The following UGT1A9 variants were observed in gnomAD, a reference collection of about 807,000 sequenced individuals.
UGT1A9 encodes UDP-glucuronosyltransferase 1A9.
In UGT1A9, 35 loss-of-function variants were observed where a neutral mutation model predicts 45.0. The ratio of observed to expected loss-of-function variants is 0.78; its 90% CI spans 0.59 to 1.03. The LOEUF is 1.03. Among genes scored for constraint, UGT1A9 ranks in the 50% least tolerant of loss-of-function variants. The pLI, the probability that UGT1A9 is intolerant of heterozygous loss-of-function variation, is 0.00. For missense variants in UGT1A9, 687 were observed against 666.6 expected, an observed-to-expected ratio of 1.03 and a Z score of -0.34; for synonymous variants, 278 against 250.6, an observed-to-expected ratio of 1.11 and a Z score of -1.03.
chr2:233,720,049 G>A (rs1278605052), intron 1 of UGT1A9, among the ~76,000 whole-genome samples: 10 of 152,182 alleles, frequency 6.6e-5, no homozygotes, highest in East Asian at 5.8e-4. Context: ...TCAGCTGAAC[G>A]GTGATGCAAC....
intron 1 of UGT1A9, among the ~76,000 whole-genome samples, chr2:233,757,752 A>G (rs979747575): frequency 2.0e-5 from 3 of 151,642 alleles, no homozygotes; most frequent in African/African-American, 7.3e-5. Flanking sequence ...GGACATGTTT[A>G]TGTTGCTCCT....
intron 1 of UGT1A9, chr2:233,722,120 C>G (rs2076991666): frequency 5.4e-6 from 1 of 185,150 alleles, no homozygotes; most frequent in South Asian, 1.2e-4. Context: ...CTATCATCAT[C>G]ATTAGTAGAG....
chr2:233,734,900 C>G (rs1027588472), intron 1 of UGT1A9, among the ~76,000 whole-genome samples: 1 of 152,158 alleles, frequency 6.6e-6, no homozygotes, highest in Non-Finnish European at 1.5e-5. Flanking sequence ...GATTTCTATT[C>G]TTTTACATTT....
At chr2:233,703,807 CTCTG>C (rs34781889) in intron 1 of UGT1A9, among the ~76,000 whole-genome samples, 44,412 of 151,762 alleles carry the variant, frequency 0.29, 6,672 homozygotes, top group South Asian at 0.36. Flanking sequence ...GTCTGATAAT[CTCTG>C]TCTTTTAATT....
intron 1 of UGT1A9, among the ~76,000 whole-genome samples, chr2:233,721,233 T>C (rs911538270): frequency 5.3e-5 from 8 of 152,262 alleles, no homozygotes; most frequent in African/African-American, 1.9e-4. Context: ...ATGTAGTTAC[T>C]GAATTGTAAA....
intron 1 of UGT1A9, chr2:233,748,161 A>G: frequency 1.3e-6 from 2 of 1,596,158 alleles, no homozygotes; most frequent in South Asian, 2.3e-5. Context: ...TTGCTTCCAT[A>G]TCTACTTATC....
At chr2:233,766,476 A>G (rs893882112) in intron 1 of UGT1A9, among the ~76,000 whole-genome samples, 2 of 152,172 alleles carry the variant, frequency 1.3e-5, no homozygotes, top group African/African-American at 2.4e-5. Flanking sequence ...TTATAGGCAC[A>G]TGATGGGGGC....
chr2:233,710,208 A>C (rs2076119375), intron 1 of UGT1A9, among the ~76,000 whole-genome samples: 1 of 152,230 alleles, frequency 6.6e-6, no homozygotes, highest in South Asian at 2.1e-4. Context: ...GTTGTTGGCT[A>C]TTATGAATAA....
At position 233,772,691 on chromosome 2, in the gene UGT1A9, T is replaced by G. The variant is rs1314986383; in HGVS notation, c.*132T>G. ...TTGCATAAATTAATCAGCCCCAGAG[T>G]GCTTTAAAAAATTCTCTTAAATAAA... On this transcript the variant is annotated 3_prime_UTR_variant, in exon 5 of 5. Transcript: ENST00000354728. 1 of 1,488,486 alleles carries G rather than the reference T, an allele frequency of 6.7e-7. No individual in the cohort carries two copies. Among genetic ancestry groups the G allele is most frequent in the African/African-American group, 1.4e-5 (1 of 70,486 alleles). The allele number at this position is 1,488,486 out of a possible 1,614,324, so 92.2% of individuals were successfully genotyped here. A position where few individuals can be genotyped will look rare whatever the true frequency, so the allele number is the denominator to read the frequency against.
intron 1 of UGT1A9, among the ~76,000 whole-genome samples, chr2:233,737,292 G>T (rs573133918): frequency 6.6e-6 from 1 of 152,194 alleles, no homozygotes; most frequent in Non-Finnish European, 1.5e-5. Flanking sequence ...CCAGGCTGCC[G>T]CCTCACAGTT....
chr2:233,741,869 C>T (rs992161093), intron 1 of UGT1A9: 4 of 151,862 alleles, frequency 2.6e-5, no homozygotes, highest in African/African-American at 7.3e-5. Flanking sequence ...CAAACCTTTC[C>T]TCAGAGGTGA....
chr2:233,772,682 G>A lies in UGT1A9; in HGVS notation c.*123G>A, dbSNP rs1700541485. The A allele has an allele frequency of 6.7e-7, 1 of 1,494,640 alleles. No individual in the cohort carries two copies. The allele number at this position is 1,494,640 out of a possible 1,614,324, so 92.6% of individuals were successfully genotyped here. On this transcript the variant is annotated 3_prime_UTR_variant, in exon 5 of 5. Coordinates refer to ENST00000354728, the MANE Select transcript of UGT1A9 (RefSeq NM_021027.3). ...GGAAATACTTTGCATAAATTAATCA[G>A]CCCCAGAGTGCTTTAAAAAATTCTC...
At chr2:233,741,868 C>T (rs566953182) in intron 1 of UGT1A9, 3 of 152,000 alleles carry the variant, frequency 2.0e-5, no homozygotes, top group South Asian at 2.1e-4. Flanking sequence ...GCAAACCTTT[C>T]CTCAGAGGTG....
chr2:233,729,081 G>A lies in UGT1A9; in HGVS notation c.856-37953G>A, dbSNP rs376039648. 312 of 1,612,238 alleles carry A rather than the reference G, an allele frequency of 1.9e-4. No individual in the cohort carries two copies. The African/African-American group carries it at 3.8e-3, about 20-fold the overall frequency. On this transcript the variant is annotated intron_variant, in intron 1 of 4. Coordinates refer to ENST00000354728, the MANE Select transcript of UGT1A9 (RefSeq NM_021027.3). ...TAAGATGAAGAAAGCAAATGTAGCAGGCACAGCGTGGGGTGGACAGTCAGC... is the reference window on the plus strand; with the variant it reads ...TAAGATGAAGAAAGCAAATGTAGCAAGCACAGCGTGGGGTGGACAGTCAGC...
intron 1 of UGT1A9, chr2:233,717,743 G>A (rs182116418): frequency 2.2e-6 from 1 of 456,536 alleles, no homozygotes; most frequent in East Asian, 6.9e-5. Flanking sequence ...AGTGCTCAGG[G>A]TCTCCCCCTA....
chr2:233,718,286 A>G (rs2076644958), intron 1 of UGT1A9, among the ~76,000 whole-genome samples: 1 of 152,248 alleles, frequency 6.6e-6, no homozygotes, highest in Non-Finnish European at 1.5e-5. Context: ...AAAACCAGAT[A>G]GCCAGCCTGA....
chr2:233,704,781 G>T (rs989120874), intron 1 of UGT1A9, among the ~76,000 whole-genome samples: 3 of 152,050 alleles, frequency 2.0e-5, no homozygotes, highest in Admixed American at 6.5e-5. Context: ...ATATGTTATA[G>T]TCCCAACAAT....
chr2:233,744,136 G>A, intron 1 of UGT1A9: 1 of 352,326 alleles, frequency 2.8e-6, no homozygotes, highest in Non-Finnish European at 5.4e-6. Flanking sequence ...GTGAGGCCCT[G>A]TGATGCTCCA....
intron 1 of UGT1A9, among the ~76,000 whole-genome samples, chr2:233,732,156 ATTTG>A: frequency 6.6e-6 from 1 of 152,010 alleles, no homozygotes; most frequent in Non-Finnish European, 1.5e-5. Context: ...TTTCTTGTAA[ATTTG>A]TTTGAGTTCT....
Sources: allele counts gnomAD v4.1 joint callset (sites outside exome capture counted in the v4.1 genomes callset), GRCh38; gene constraint gnomAD v4.1.1; transcripts MANE v1.5; gene names NCBI Gene and HGNC (gene_info 2026-07-23, HGNC 2026-07-21).